The following ANKRD30BL variants were observed in gnomAD, a reference collection of about 807,000 sequenced individuals.
ANKRD30BL encodes the protein putative ankyrin repeat domain-containing protein 30B-like.
In ANKRD30BL, 20 loss-of-function variants were observed where a neutral mutation model predicts 18.4. That is an observed-to-expected ratio of 1.09 (90% CI 0.77 to 1.58). The LOEUF (loss-of-function observed/expected upper bound fraction) is 1.58. Among genes scored for constraint, ANKRD30BL ranks in the 40% most tolerant of loss-of-function variants. The pLI, the probability that ANKRD30BL is intolerant of heterozygous loss-of-function variation, is 0.00. For missense variants in ANKRD30BL, 224 were observed against 268.6 expected (o/e 0.83, Z 1.16); for synonymous variants, 72 against 100.9 (o/e 0.71, Z 1.72).
intron 1 of ANKRD30BL, among the ~76,000 whole-genome samples, chr2:132,236,886 C>T (rs1302096821): frequency 2.6e-5 from 4 of 151,684 alleles, no homozygotes; most frequent in East Asian, 1.9e-4. Context: ...AAATGTCCAA[C>T]AATGATAGAC....
At chr2:132,257,000 A>G (rs1344756151) in intron 1 of ANKRD30BL, 1 of 515,032 alleles carries the variant, frequency 1.9e-6, no homozygotes, top group Non-Finnish European at 3.9e-6. Context: ...CCAGGAAAAC[A>G]CGGCCACGGG....
chr2:132,166,422 G>A (rs1260050396), upstream of ANKRD30BL, among the ~76,000 whole-genome samples: 1 of 151,044 alleles, frequency 6.6e-6, no homozygotes, highest in Non-Finnish European at 1.5e-5. Flanking sequence ...ATTTGGGCCT[G>A]GAAACATTGG....
chr2:132,154,199 C>T (rs1687840700), intron 4 of ANKRD30BL, among the ~76,000 whole-genome samples: 1 of 139,502 alleles, frequency 7.2e-6, no homozygotes, highest in African/African-American at 2.5e-5. Context: ...CTCCTGGCCT[C>T]AGGTGATCTA....
intron 1 of ANKRD30BL, among the ~76,000 whole-genome samples, chr2:132,188,161 A>G (rs1296885272): frequency 6.6e-6 from 1 of 152,150 alleles, no homozygotes; most frequent in African/African-American, 2.4e-5. Context: ...GTTGAAGAAT[A>G]GTATCTCTTT....
chr2:132,202,389 G>A (rs1411527844), intron 1 of ANKRD30BL, among the ~76,000 whole-genome samples: 4 of 150,978 alleles, frequency 2.6e-5, no homozygotes, highest in African/African-American at 9.8e-5. Flanking sequence ...AATTATTAAA[G>A]TAAAATAAAA....
intron 1 of ANKRD30BL, among the ~76,000 whole-genome samples, chr2:132,190,736 G>A (rs896504551): frequency 2.0e-5 from 3 of 152,172 alleles, no homozygotes; most frequent in African/African-American, 7.2e-5. Context: ...AAAGCTGATT[G>A]CCAGTTACAC....
chr2:132,161,732 C>T lies in ANKRD30BL; in HGVS notation c.-27G>A. 1 of 1,118,580 alleles carries T rather than the reference C, an allele frequency of 8.9e-7. No individual in the cohort carries two copies. The highest frequency in any genetic ancestry group is 1.5e-5 in the African/African-American group (1 of 64,540). The allele number at this position is 1,118,580 out of a possible 1,614,324, so 69.3% of individuals were successfully genotyped here. A position where few individuals can be genotyped will look rare whatever the true frequency, so the allele number is the denominator to read the frequency against. On this transcript the variant is annotated 5_prime_UTR_variant, in exon 1 of 6. Coordinates refer to ENST00000409867, the MANE Select transcript of ANKRD30BL (RefSeq NM_001358416.1). Reference sequence around the variant, plus strand: ...GCTGCAGCCACCTGCTAGAGAGAGCCCGTGCCTCCCGCTGCTCGCCCTTCC... The same window carrying T: ...GCTGCAGCCACCTGCTAGAGAGAGCTCGTGCCTCCCGCTGCTCGCCCTTCC...
Position 132,200,264 on chromosome 2 carries a change from A to G in ANKRD30BL, n.442-43118T>C, listed in dbSNP as rs930581774. On this transcript the variant is annotated intron_variant and non_coding_transcript_variant, in intron 1 of 4. Transcript: ENST00000470729. Reference sequence around the variant, plus strand: ...AGGGATGCCCTCTCTCACCACTCCTATTCAACATAGTGATGGAAGTTCTGG... The same window carrying G: ...AGGGATGCCCTCTCTCACCACTCCTGTTCAACATAGTGATGGAAGTTCTGG... Among the ~76,000 whole-genome samples the G allele has an allele frequency of 4.6e-5, 7 of 151,494 alleles. 1 individual carries two copies. The highest frequency in any genetic ancestry group is 1.7e-4 in the African/African-American group (7 of 40,910).
chr2:132,216,493 C>T (rs535690980), intron 1 of ANKRD30BL, among the ~76,000 whole-genome samples: 19 of 151,440 alleles, frequency 1.3e-4, no homozygotes, highest in African/African-American at 1.9e-4. Flanking sequence ...ACATTTTGTT[C>T]GCTTTGAGGC....
chr2:132,222,123 G>T (rs1018825177), intron 1 of ANKRD30BL, among the ~76,000 whole-genome samples: 16 of 149,476 alleles, frequency 1.1e-4, no homozygotes, highest in East Asian at 1.0e-3. Flanking sequence ...CGCCCTATCT[G>T]GGAGGTGAGG....
upstream of ANKRD30BL, among the ~76,000 whole-genome samples, chr2:132,165,280 A>G (rs1688167736): frequency 6.6e-6 from 1 of 150,682 alleles, no homozygotes; most frequent in East Asian, 1.9e-4. Flanking sequence ...TCCATTCATC[A>G]ATTATGAGAC....
intron 1 of ANKRD30BL, among the ~76,000 whole-genome samples, chr2:132,232,671 A>G (rs567702336): frequency 6.6e-6 from 1 of 152,274 alleles, no homozygotes; most frequent in African/African-American, 2.4e-5. Context: ...GCCTCCAAGA[A>G]ATATGGGACT....
At chr2:132,172,437 T>C (rs187498694) in intron 1 of ANKRD30BL, among the ~76,000 whole-genome samples, 1 of 152,212 alleles carries the variant, frequency 6.6e-6, no homozygotes, top group Admixed American at 6.5e-5. Context: ...TGAAATGATA[T>C]CTCATCATTA....
rs375806595 is a variant in ANKRD30BL, at chr2:132,176,091, A to G, written n.442-18945T>C. 1.8e-4 allele frequency among the ~76,000 whole-genome samples: 28 copies of G among 152,298 alleles called. 1 individual carries two copies. In the East Asian group the frequency reaches 4.8e-3, roughly 26 times the overall value. On this transcript the variant is annotated intron_variant and non_coding_transcript_variant, in intron 1 of 4. Coordinates refer to the ANKRD30BL transcript ENST00000470729. ...AGAAGAAAACTAAAACAAATAACTTATTTTTTTAAAGTAACATATTGGCTA... is the reference window on the plus strand; with the variant it reads ...AGAAGAAAACTAAAACAAATAACTTGTTTTTTTAAAGTAACATATTGGCTA...
At chr2:132,256,144 T>C (rs74516018) in intron 1 of ANKRD30BL, among the ~76,000 whole-genome samples, 1 of 152,246 alleles carries the variant, frequency 6.6e-6, no homozygotes, top group Non-Finnish European at 1.5e-5. Flanking sequence ...CTTAGACATG[T>C]ATGGCTTAAT....
intron 1 of ANKRD30BL, among the ~76,000 whole-genome samples, chr2:132,198,649 GCT>G (rs1002414815): frequency 4.4e-5 from 6 of 136,696 alleles, no homozygotes; most frequent in African/African-American, 1.7e-4. Context: ...GACAGTTTTT[GCT>G]CTGTTGCCCC....
chr2:132,166,908 CATA>C (rs897634438), upstream of ANKRD30BL, among the ~76,000 whole-genome samples: 38 of 151,858 alleles, frequency 2.5e-4, no homozygotes, highest in African/African-American at 7.0e-4. Flanking sequence ...TCTCTTTTTT[CATA>C]ATAATATGCA....
At chr2:132,248,143 C>T (rs369326429) in intron 1 of ANKRD30BL, among the ~76,000 whole-genome samples, 14 of 151,896 alleles carry the variant, frequency 9.2e-5, no homozygotes, top group East Asian at 5.8e-4. Context: ...AGAAATATCC[C>T]GTTGCAGATT....
At chr2:132,224,440 C>G (rs150988355) in intron 1 of ANKRD30BL, among the ~76,000 whole-genome samples, 2 of 151,020 alleles carry the variant, frequency 1.3e-5, no homozygotes, top group East Asian at 3.9e-4. Context: ...ATATTTGGAC[C>G]GCTTTGAGGC....
Sources: allele counts gnomAD v4.1 joint callset (sites outside exome capture counted in the v4.1 genomes callset), GRCh38; gene constraint gnomAD v4.1.1; transcripts MANE v1.5; gene names NCBI Gene and HGNC (gene_info 2026-07-23, HGNC 2026-07-21).